The following ZDHHC24 variants were observed in gnomAD, a reference collection of about 807,000 sequenced individuals.
The protein encoded by ZDHHC24 is probable palmitoyltransferase ZDHHC24.
A neutral mutation model predicts 23.2 loss-of-function variants in ZDHHC24; 17 were observed. The observed-to-expected ratio is 0.73, with a 90% CI of 0.50 to 1.10. The LOEUF (loss-of-function observed/expected upper bound fraction) is 1.10. Ranked by LOEUF, ZDHHC24 falls within the 50% of genes least tolerant of loss-of-function variation. The pLI, the probability that ZDHHC24 is intolerant of heterozygous loss-of-function variation, is 0.00. For missense variants in ZDHHC24, 366 were observed against 393.0 expected, an observed-to-expected ratio of 0.93 and a Z score of 0.58; for synonymous variants, 186 against 194.5, an observed-to-expected ratio of 0.96 and a Z score of 0.36.
Position 66,539,434 on chromosome 11 carries a change from G to C in ZDHHC24, c.*95C>G. 2 of 1,421,650 alleles carry C rather than the reference G, an allele frequency of 1.4e-6. No homozygotes were observed. The highest frequency in any genetic ancestry group is 1.8e-6 in the Non-Finnish European group (2 of 1,089,980). The allele number at this position is 1,421,650 out of a possible 1,614,324, so 88.1% of individuals were successfully genotyped here. On this transcript the variant is annotated 3_prime_UTR_variant, in exon 3 of 3. Transcript: ENST00000310442. ...GGAAGGGGTGGAGTTGTCCAATGCA[G>C]ATGTTAAGGTCCAACCCGACTTCCT...
At chr11:66,540,068 G>C (rs1201794101) in intron 2 of ZDHHC24, among the ~76,000 whole-genome samples, 1 of 152,180 alleles carries the variant, frequency 6.6e-6, no homozygotes, top group African/African-American at 2.4e-5. Context: ...CAGCCCTGGA[G>C]GCGGTGCCAG....
chr11:66,541,485 C>T (rs1476919972), intron 2 of ZDHHC24, among the ~76,000 whole-genome samples: 1 of 151,714 alleles, frequency 6.6e-6, no homozygotes, highest in African/African-American at 2.4e-5. Context: ...GGACGGTCTG[C>T]AGGTCTGCAA....
downstream of ZDHHC24, among the ~76,000 whole-genome samples, chr11:66,535,314 A>G (rs1351129045): frequency 6.6e-6 from 1 of 151,484 alleles, no homozygotes; most frequent in African/African-American, 2.4e-5. Flanking sequence ...AGCTCAAGCC[A>G]TCGTCCCACC....
chr11:66,521,139 A>G (rs1402389700), exon 5 of ZDHHC24: 1 of 746,756 alleles, frequency 1.3e-6, no homozygotes, highest in Non-Finnish European at 2.4e-6. Context: ...GAAAAACTGT[A>G]TGAGTTTAAA....
Position 66,529,436 on chromosome 11 carries a change from A to T in ZDHHC24, c.612T>A (p.Cys204Ter), listed in dbSNP as rs1187034727. Residue 204 changes from cysteine to a stop codon, truncating the protein, a stop_gained, in exon 3 of 5, where the codon TGT becomes TGA. Coordinates refer to the ZDHHC24 transcript ENST00000526986. LOFTEE classifies it high-confidence loss of function. ...GACACATGCACAATATCGAGCGTGG[A>T]CACCAAGGACTCCTCTTTGTGGTGG... 1.2e-5 allele frequency: 10 copies of T among 858,830 alleles called. No individual in the cohort carries two copies. The highest frequency in any genetic ancestry group is 1.9e-5 in the Non-Finnish European group (10 of 527,354). The allele number at this position is 858,830 out of a possible 1,614,324, so 53.2% of individuals were successfully genotyped here.
chr11:66,523,198 G>A, intron 4 of ZDHHC24: 1 of 610,120 alleles, frequency 1.6e-6, no homozygotes, highest in Non-Finnish European at 3.1e-6. Context: ...CCATAGTGAA[G>A]GTGGGCGGAA....
chr11:66,531,900 G>A, downstream of ZDHHC24: 1 of 1,572,540 alleles, frequency 6.4e-7, no homozygotes, highest in Non-Finnish European at 8.6e-7. Flanking sequence ...CGCAGACCAG[G>A]CAAGGGGTCA....
In ZDHHC24 at chr11:66,523,539, G is replaced by A. The variant is rs1326853960; in HGVS notation, c.*22-2073C>T. On this transcript the variant is annotated intron_variant, in intron 4 of 4. Transcript: ENST00000526986. ...CGGGTACACAAGGTCCTAGTGGTGG[G>A]CAGCACCCAAGACAGCCTGCATGGC... 1 of 1,614,118 alleles carries A rather than the reference G, an allele frequency of 6.2e-7. No individual in the cohort carries two copies. The highest frequency in any genetic ancestry group is 8.5e-7 in the Non-Finnish European group (1 of 1,180,008).
chr11:66,522,591 C>CCG (rs1431900147), intron 4 of ZDHHC24, among the ~76,000 whole-genome samples: 26 of 152,186 alleles, frequency 1.7e-4, no homozygotes, highest in Admixed American at 9.8e-4. Context: ...TGTGATCCAC[C>CCG]CTTCTCGGCC....
chr11:66,544,372 A>T (rs182182165), intron 1 of ZDHHC24, among the ~76,000 whole-genome samples: 29 of 152,080 alleles, frequency 1.9e-4, no homozygotes, highest in African/African-American at 5.5e-4. Flanking sequence ...CAGCAACCAA[A>T]CTGACCCTCC....
At chr11:66,523,607 A>G in intron 4 of ZDHHC24, 1 of 1,613,726 alleles carries the variant, frequency 6.2e-7, no homozygotes. Flanking sequence ...CAGCCCCTCC[A>G]CGCCTATGTC....
chr11:66,531,019 C>G (rs1264362211), downstream of ZDHHC24: 1 of 1,614,104 alleles, frequency 6.2e-7, no homozygotes, highest in African/African-American at 1.3e-5. Context: ...TGCCCCGGGC[C>G]TTCTTCAAGG....
chr11:66,532,043 G>A (rs754355018), downstream of ZDHHC24: 6 of 1,598,612 alleles, frequency 3.8e-6, no homozygotes, highest in Admixed American at 1.0e-4. Flanking sequence ...CCTGAGACCT[G>A]AGCTGCTGTG....
intron 4 of ZDHHC24, chr11:66,526,793 G>A (rs760190953): frequency 1.5e-5 from 24 of 1,614,068 alleles, no homozygotes; most frequent in East Asian, 8.9e-5. Flanking sequence ...CTGCGAGAGC[G>A]GGAGGCTGGC....
intron 3 of ZDHHC24, among the ~76,000 whole-genome samples, chr11:66,528,884 A>T (rs1470796314): frequency 2.8e-5 from 4 of 145,452 alleles, no homozygotes; most frequent in African/African-American, 1.0e-4. Context: ...AGGAGAATCG[A>T]TTGAACCCGG....
At chr11:66,530,993 G>A (rs951577806), downstream of ZDHHC24, 8 of 1,614,188 alleles carry the variant, frequency 5.0e-6, no homozygotes, top group South Asian at 3.3e-5. Flanking sequence ...CCTGTACAAC[G>A]AGGCGCTCTA....
Position 66,537,054 on chromosome 11 carries a change from C to G in ZDHHC24, c.*2475G>C, listed in dbSNP as rs187915299. On this transcript the variant is annotated 3_prime_UTR_variant, in exon 3 of 3. Coordinates refer to ENST00000310442, the MANE Select transcript of ZDHHC24 (RefSeq NM_207340.3). ...TACAAAAACAACCAGCCAAGCAGCTCAGATCTTTGTGGGCATGGGCAGAGC... is the reference window on the plus strand; with the variant it reads ...TACAAAAACAACCAGCCAAGCAGCTGAGATCTTTGTGGGCATGGGCAGAGC... 2.6e-5 allele frequency: 4 copies of G among 151,932 alleles called. No individual in the cohort carries two copies. The highest frequency in any genetic ancestry group is 2.6e-4 in the Admixed American group (4 of 15,254). 9.4% of individuals were successfully genotyped at this position (151,932 alleles called of 1,614,324 possible). A position where few individuals can be genotyped will look rare whatever the true frequency, so the allele number is the denominator to read the frequency against.
chr11:66,541,025 T>C (rs1380842169), intron 2 of ZDHHC24, among the ~76,000 whole-genome samples: 1 of 152,132 alleles, frequency 6.6e-6, no homozygotes, highest in Non-Finnish European at 1.5e-5. Context: ...CTTTTTAGGA[T>C]GAAAATGTTC....
intron 2 of ZDHHC24, chr11:66,542,855 T>G (rs959627588): frequency 2.6e-5 from 4 of 152,098 alleles, no homozygotes; most frequent in Admixed American, 1.3e-4. Flanking sequence ...GAGGACCCAT[T>G]GGGAAGCTGG....
Sources: allele counts gnomAD v4.1 joint callset (sites outside exome capture counted in the v4.1 genomes callset), GRCh38; gene constraint gnomAD v4.1.1; transcripts MANE v1.5; gene names NCBI Gene and HGNC (gene_info 2026-07-23, HGNC 2026-07-21).